Variants in LRRC36 observed in about 807,000 individuals in gnomAD.
LRRC36 encodes the protein leucine-rich repeat-containing protein 36.
Under a neutral mutation model 81.1 loss-of-function variants are expected in LRRC36, and 62 were observed. That is an observed-to-expected ratio of 0.76 (90% CI 0.62 to 0.94). The LOEUF (loss-of-function observed/expected upper bound fraction) is 0.94, where lower values mean the gene tolerates loss of function less well. Ranked by LOEUF, LRRC36 falls within the 40% of genes least tolerant of loss-of-function variation. The pLI, the probability that LRRC36 is intolerant of heterozygous loss-of-function variation, is 0.00. For missense variants in LRRC36, 761 were observed against 881.7 expected (o/e 0.86, Z 1.73); for synonymous variants, 334 against 348.6 (o/e 0.96, Z 0.47).
chr16:67,384,414 A>G (rs1188782535), intron 13 of LRRC36, among the ~76,000 whole-genome samples: 1 of 152,184 alleles, frequency 6.6e-6, no homozygotes, highest in Non-Finnish European at 1.5e-5. Flanking sequence ...AGCCTGGGCA[A>G]CAAAAGTGAA....
chr16:67,355,911 C>A (rs145807104), intron 5 of LRRC36, among the ~76,000 whole-genome samples: 31 of 152,202 alleles, frequency 2.0e-4, no homozygotes, highest in Non-Finnish European at 3.4e-4. Flanking sequence ...AGAGGAGCAG[C>A]ACATTTTGAT....
chr16:67,347,770 C>G (rs1035447133), intron 4 of LRRC36, among the ~76,000 whole-genome samples, 179 bp downstream of exon 4: 1 of 152,152 alleles, frequency 6.6e-6, no homozygotes. Flanking sequence ...TAATCTGGCC[C>G]TCAGTGGGTA....
At chr16:67,376,163 C>A in intron 10 of LRRC36, among the ~76,000 whole-genome samples, 1 of 151,990 alleles carries the variant, frequency 6.6e-6, no homozygotes, top group South Asian at 2.1e-4. Context: ...CACAAATTAG[C>A]CAGGCGTAGT....
At chr16:67,333,384 C>T (rs971907767) in intron 1 of LRRC36, among the ~76,000 whole-genome samples, 2 of 152,020 alleles carry the variant, frequency 1.3e-5, no homozygotes, top group African/African-American at 2.4e-5. Context: ...CACCTGCCTC[C>T]GCCTCCCAAA....
chr16:67,352,988 GTTTA>G (rs1195851906), intron 5 of LRRC36, among the ~76,000 whole-genome samples: 1 of 151,958 alleles, frequency 6.6e-6, no homozygotes, highest in Non-Finnish European at 1.5e-5. Context: ...TGCCCAGCCT[GTTTA>G]TTTATTTATA....
chr16:67,372,401 G>A (rs2039688478), intron 9 of LRRC36, among the ~76,000 whole-genome samples: 1 of 151,994 alleles, frequency 6.6e-6, no homozygotes, highest in African/African-American at 2.4e-5. Context: ...TAGTATGATA[G>A]TGTCATACAA....
chr16:67,373,291 C>A (rs1481853212), intron 9 of LRRC36, among the ~76,000 whole-genome samples: 1 of 152,064 alleles, frequency 6.6e-6, no homozygotes, highest in African/African-American at 2.4e-5. Flanking sequence ...CATTATTTTT[C>A]TCTTTATGGA....
chr16:67,361,666 G>A (rs994421463), intron 5 of LRRC36, among the ~76,000 whole-genome samples: 10 of 152,014 alleles, frequency 6.6e-5, no homozygotes, highest in Admixed American at 2.0e-4. Flanking sequence ...TCTGCTTCCC[G>A]GGTTCAAGCG....
chr16:67,327,267 C>T (rs1318423159), intron 1 of LRRC36, among the ~76,000 whole-genome samples: 1 of 152,100 alleles, frequency 6.6e-6, no homozygotes, highest in Non-Finnish European at 1.5e-5. Context: ...AATCCCAGCA[C>T]TTTGGGAGGC....
At chr16:67,366,964 A>G (rs2039424131) in intron 7 of LRRC36, 53 bp from the exon 8 acceptor site, 3 of 1,410,620 alleles carry the variant, frequency 2.1e-6, no homozygotes, top group Admixed American at 2.1e-5. Context: ...ACTCCCAGCT[A>G]GGCCACAAAG....
chr16:67,338,429 T>C (rs1274693689), intron 1 of LRRC36, among the ~76,000 whole-genome samples: 1 of 152,144 alleles, frequency 6.6e-6, no homozygotes, highest in Non-Finnish European at 1.5e-5. Context: ...TCTGGCCTCA[T>C]ACAGAAATGT....
At chr16:67,380,767 A>C (rs910338990) in intron 12 of LRRC36, among the ~76,000 whole-genome samples, 2 of 152,180 alleles carry the variant, frequency 1.3e-5, no homozygotes, top group Non-Finnish European at 2.9e-5. Flanking sequence ...ACTGGTGATA[A>C]ATAAGCTTTT....
chr16:67,373,194 A>T (rs28469123), intron 9 of LRRC36, among the ~76,000 whole-genome samples: 2 of 152,336 alleles, frequency 1.3e-5, no homozygotes, highest in East Asian at 1.9e-4. Context: ...TCTACAAAAA[A>T]AAATAAATAA....
chr16:67,375,071 G>A (rs1013024934), intron 9 of LRRC36, among the ~76,000 whole-genome samples, 176 bp from the exon 10 acceptor site: 1 of 151,426 alleles, frequency 6.6e-6, no homozygotes, highest in African/African-American at 2.4e-5. Context: ...AGATTGCAGT[G>A]AGCCCAGATC....
intron 4 of LRRC36, 65 bp from the exon 5 acceptor site, chr16:67,350,137 T>C: frequency 9.1e-7 from 1 of 1,100,194 alleles, no homozygotes. Flanking sequence ...TAAATAGCAT[T>C]TACTGGTGAT....
At chr16:67,363,485 A>G in intron 5 of LRRC36, 105 bp from the exon 6 acceptor site, 3 of 1,116,800 alleles carry the variant, frequency 2.7e-6, no homozygotes, top group Non-Finnish European at 2.6e-6. Flanking sequence ...CACCAGAACT[A>G]GCACTCAATC....
chr16:67,332,896 A>AT (rs201882308), intron 1 of LRRC36, among the ~76,000 whole-genome samples: 43 of 150,476 alleles, frequency 2.9e-4, no homozygotes, highest in Admixed American at 1.2e-3. Flanking sequence ...TTATTTATTT[A>AT]TTTTTTTTTA....
At position 67,384,942 on chromosome 16, in the gene LRRC36, G is replaced by T. The variant is rs141632423; in HGVS notation, c.2118G>T (p.Ala706=). 76 of 1,614,174 alleles carry T rather than the reference G, an allele frequency of 4.7e-5. No homozygotes were observed. The African/African-American group carries it at 6.8e-4, about 14-fold the overall frequency. The stretch of plus-strand genomic sequence containing the variant: ...AGCCAAAAGGTTATTCCGGGAAAGC[G>T]CTCCTGCCTCCTGAGAAGGGTCATC... ...NKEPKGYSGK[A]LLPPEKGHHL... The change falls in exon 14 of 14, where the codon GCG becomes GCT. Residue 706 remains alanine, a synonymous_variant. Coordinates refer to ENST00000329956, the MANE Select transcript of LRRC36 (RefSeq NM_018296.6).
At chr16:67,340,553 G>A (rs2037983157) in intron 1 of LRRC36, among the ~76,000 whole-genome samples, 1 of 152,036 alleles carries the variant, frequency 6.6e-6, no homozygotes, top group African/African-American at 2.4e-5. Context: ...CTACTTGGGA[G>A]GCTGAGGCAG....
Sources: gnomAD v4.1 joint callset for allele counts (sites outside exome capture counted in the v4.1 genomes callset) on GRCh38, gnomAD v4.1.1 for gene constraint, MANE v1.5 for transcripts, NCBI Gene and HGNC (gene_info 2026-07-23, HGNC 2026-07-21) for gene names.